GLG1: variants seen among roughly 807,000 people sequenced by gnomAD.
The protein encoded by GLG1 is golgi glycoprotein 1.
Under a neutral mutation model 160.5 loss-of-function variants are expected in GLG1, and 38 were observed. The observed-to-expected ratio is 0.24, with a 90% CI of 0.18 to 0.31. The LOEUF (loss-of-function observed/expected upper bound fraction) is 0.31, where lower values mean the gene tolerates loss of function less well. Among genes scored for constraint, GLG1 ranks in the 10% least tolerant of loss-of-function variants. The pLI is 1.00. For missense variants in GLG1, 1,373 were observed against 1,505.2 expected, an observed-to-expected ratio of 0.91 and a Z score of 1.45; for synonymous variants, 644 against 543.4, an observed-to-expected ratio of 1.19 and a Z score of -2.57.
At chr16:74,597,715 A>G (rs1227370550) in intron 1 of GLG1, among the ~76,000 whole-genome samples, 3 of 150,292 alleles carry the variant, frequency 2.0e-5, no homozygotes, top group South Asian at 2.1e-4. Context: ...TTAGCCGGGC[A>G]TGGTGGCGGG....
At chr16:74,458,038 A>C in intron 23 of GLG1, 44 bp from the exon 24 acceptor site, 1 of 1,599,676 alleles carries the variant, frequency 6.3e-7, no homozygotes, top group Middle Eastern at 1.7e-4. Flanking sequence ...TGAAGGGGAA[A>C]TGCATCAGAT....
intron 1 of GLG1, among the ~76,000 whole-genome samples, chr16:74,572,532 A>AC (rs932251772): frequency 2.6e-5 from 4 of 151,270 alleles, no homozygotes; most frequent in Non-Finnish European, 4.4e-5. Flanking sequence ...ACAAACAAAA[A>AC]AAAAAAAACA....
At position 74,458,685 on chromosome 16, in the gene GLG1, A is replaced by G. The variant is rs553400971; in HGVS notation, c.3145-691T>C. Among the ~76,000 whole-genome samples, 4 of 152,304 alleles carry G rather than the reference A, an allele frequency of 2.6e-5. No individual in the cohort carries two copies. In the East Asian group the frequency reaches 7.7e-4, roughly 29 times the overall value. On this transcript the variant is annotated intron_variant, in intron 23 of 25. Transcript: ENST00000422840. ...TGTGACCCTATCTCAAAGAAAAACAAAAACAAAAAAATACCAATTAGATAA... is the reference window on the plus strand; with the variant it reads ...TGTGACCCTATCTCAAAGAAAAACAGAAACAAAAAAATACCAATTAGATAA...
chr16:74,468,828 T>G, intron 17 of GLG1, 118 bp downstream of exon 17: 1 of 692,242 alleles, frequency 1.4e-6, no homozygotes, highest in Non-Finnish European at 2.7e-6. Flanking sequence ...TGCACAGGAC[T>G]TCAAGTCTTA....
chr16:74,602,656 G>A (rs1432369934), intron 1 of GLG1, among the ~76,000 whole-genome samples: 1 of 152,084 alleles, frequency 6.6e-6, no homozygotes, highest in African/African-American at 2.4e-5. Flanking sequence ...GGTGGCGGAT[G>A]CCTGTAGTCC....
At chr16:74,470,164 C>G (rs999029396) in intron 15 of GLG1, 91 bp from the exon 16 acceptor site, 2 of 782,936 alleles carry the variant, frequency 2.6e-6, no homozygotes, top group Non-Finnish European at 2.3e-6. Context: ...CTCTCACAAG[C>G]CTGTTTACAA....
At position 74,459,785 on chromosome 16, in the gene GLG1, G is replaced by A; in HGVS notation, c.3041C>T (p.Ser1014Phe). Reference sequence around the variant, plus strand: ...TGCTGCTTCTTCAGCACATAGACTGGAGATCTGTTCAGGAGACACAAAAAA... The same window carrying A: ...TGCTGCTTCTTCAGCACATAGACTGAAGATCTGTTCAGGAGACACAAAAAA... ...QLQLHCSDEISSLCAEEAAAQ... is the reference protein window; with the variant it reads ...QLQLHCSDEIFSLCAEEAAAQ... The change falls in exon 23 of 26, where the codon TCC becomes TTC. Residue 1014 changes from serine (S) to phenylalanine (F), a missense_variant. This residue lies in a region of GLG1 where 491 missense variants were observed against 632.1 expected (regional missense o/e 0.78). Transcript: ENST00000422840. The A allele has an allele frequency of 1.9e-6, 3 of 1,577,714 alleles. No homozygotes were observed. The highest frequency in any genetic ancestry group is 2.6e-6 in the Non-Finnish European group (3 of 1,150,432).
rs1008089961 is a variant in GLG1 at position 74,491,102 on chromosome 16, G to A, written c.1348C>T (p.His450Tyr). 6.2e-7 allele frequency: 1 copy of A among 1,613,916 alleles called. No individual in the cohort carries two copies. The highest frequency in any genetic ancestry group is 1.3e-5 in the African/African-American group (1 of 74,932). ...IILSCRGEIE[H>Y]HCSGLHRKGR... ...TTTCGATGTAATCCGGAACAATGGT[G>A]TTCAATCTCCCCCCGACAGCTTAGG... Residue 450 changes from histidine (H) to tyrosine (Y), a missense_variant, in exon 8 of 26, where the codon CAC becomes TAC. By Grantham distance (83) the His-to-Tyr change is moderately conservative. Around this residue, in one of 4 missense-constraint regions of GLG1, gnomAD observed 386 missense variants for 388.5 expected, o/e 0.99. Transcript: ENST00000422840.
intron 16 of GLG1, 175 bp from the exon 17 acceptor site, chr16:74,469,238 G>T: frequency 1.7e-6 from 1 of 599,820 alleles, no homozygotes; most frequent in Non-Finnish European, 3.0e-6. Flanking sequence ...ATTTGACTGT[G>T]GGTGTCATGA....
intron 15 of GLG1, among the ~76,000 whole-genome samples, chr16:74,470,446 AT>A (rs538522906): frequency 0.67 from 62,403 of 93,592 alleles, 19,579 homozygotes; most frequent in East Asian, 0.86. Flanking sequence ...TATATTTGTA[AT>A]TTTTTTTTTT....
chr16:74,606,985 C>A lies in GLG1; in HGVS notation c.110G>T (p.Ser37Ile). 6.2e-7 allele frequency: 1 copy of A among 1,607,368 alleles called. No homozygotes were observed. The highest frequency in any genetic ancestry group is 1.7e-5 in the Admixed American group (1 of 59,366). Reference protein sequence around the residue: ...AEKLPGQGVHSQGQGPGANFV... With the variant: ...AEKLPGQGVHIQGQGPGANFV... ...GTTGGCCCCGGGACCCTGGCCCTGG[C>A]TGTGGACGCCCTGGCCGGGGAGTTT... Residue 37 changes from serine (S) to isoleucine (I), a missense_variant, in exon 1 of 26, where the codon AGC becomes ATC. By Grantham distance (142) the Ser-to-Ile change is moderately radical. Coordinates refer to ENST00000422840, the MANE Select transcript of GLG1 (RefSeq NM_001145667.2).
chr16:74,492,923 G>A (rs754510269), intron 7 of GLG1, 34 bp downstream of exon 7: 3 of 1,391,110 alleles, frequency 2.2e-6, no homozygotes, highest in African/African-American at 2.9e-5. Context: ...AAAAGGAACA[G>A]AAATGATAAT....
chr16:74,566,074 T>C (rs1265323784), intron 1 of GLG1, among the ~76,000 whole-genome samples: 2 of 152,206 alleles, frequency 1.3e-5, no homozygotes, highest in African/African-American at 4.8e-5. Flanking sequence ...AAAGACCATA[T>C]AGGTAAAGTG....
intron 3 of GLG1, among the ~76,000 whole-genome samples, chr16:74,505,221 T>C (rs1019601316): frequency 6.6e-6 from 1 of 152,158 alleles, no homozygotes; most frequent in Non-Finnish European, 1.5e-5. Flanking sequence ...CAACAGGTTG[T>C]CTTCACCTCT....
At chr16:74,510,958 T>C (rs1354720235) in intron 2 of GLG1, among the ~76,000 whole-genome samples, 1 of 152,026 alleles carries the variant, frequency 6.6e-6, no homozygotes, top group Non-Finnish European at 1.5e-5. Flanking sequence ...TAGAAGCAGT[T>C]AGCCAGATTC....
intron 1 of GLG1, among the ~76,000 whole-genome samples, chr16:74,579,605 C>G (rs1957893772): frequency 6.6e-6 from 1 of 151,790 alleles, no homozygotes. Context: ...ACCTGTAGTC[C>G]CAGCTACTAG....
intron 17 of GLG1, 69 bp downstream of exon 17, chr16:74,468,877 T>C: frequency 1.0e-6 from 1 of 967,346 alleles, no homozygotes; most frequent in Non-Finnish European, 1.7e-6. Context: ...CCCCTTGCCC[T>C]AGCCTCTCCC....
At chr16:74,525,282 C>T (rs2017298883) in intron 2 of GLG1, among the ~76,000 whole-genome samples, 1 of 152,170 alleles carries the variant, frequency 6.6e-6, no homozygotes, top group African/African-American at 2.4e-5. Context: ...AGACTCACAC[C>T]AACATTTGTT....
intron 1 of GLG1, among the ~76,000 whole-genome samples, chr16:74,573,756 G>C (rs893857912): frequency 6.6e-6 from 1 of 150,842 alleles, no homozygotes; most frequent in African/African-American, 2.4e-5. Flanking sequence ...CCAAAGAGCT[G>C]GGATTACATG....
Sources: allele counts gnomAD v4.1 joint callset (sites outside exome capture counted in the v4.1 genomes callset), GRCh38; gene constraint gnomAD v4.1.1; regional missense constraint gnomAD v4.1.1; transcripts MANE v1.5; gene names NCBI Gene and HGNC (gene_info 2026-07-23, HGNC 2026-07-21).